The following FHIT variants were observed in gnomAD, a reference collection of about 807,000 sequenced individuals.
FHIT encodes fragile histidine triad diadenosine triphosphatase.
A neutral mutation model predicts 17.9 loss-of-function variants in FHIT; 19 were observed. The observed-to-expected ratio is 1.06, with a 90% CI of 0.74 to 1.56. The LOEUF is 1.56. FHIT is among the 40% of genes most tolerant of loss of function. FHIT has a pLI of 0.00. For missense variants in FHIT, 248 were observed against 189.2 expected (o/e 1.31, Z -1.82); for synonymous variants, 81 against 69.7 (o/e 1.16, Z -0.81).
intron 4 of FHIT, among the ~76,000 whole-genome samples, chr3:60,717,726 T>C (rs782008310): frequency 1.4e-4 from 21 of 152,282 alleles, no homozygotes; most frequent in South Asian, 2.1e-4. Context: ...TGTCTTGGGG[T>C]TGAAAACACA....
chr3:60,782,322 T>C (rs186570944), intron 4 of FHIT, among the ~76,000 whole-genome samples: 1 of 151,972 alleles, frequency 6.6e-6, no homozygotes, highest in Non-Finnish European at 1.5e-5. Flanking sequence ...GAAAGACAAG[T>C]CTTGGCAAGG....
intron 8 of FHIT, among the ~76,000 whole-genome samples, chr3:59,852,946 C>T (rs1363208916): frequency 6.6e-6 from 1 of 152,126 alleles, no homozygotes; most frequent in African/African-American, 2.4e-5. Context: ...TTCTTGGTGG[C>T]TTCCATGTTT....
intron 8 of FHIT, among the ~76,000 whole-genome samples, chr3:59,885,757 A>C (rs997680712): frequency 3.9e-5 from 6 of 152,200 alleles, no homozygotes; most frequent in African/African-American, 1.4e-4. Flanking sequence ...TATAAAGGAC[A>C]TGAGCGCTGC....
intron 8 of FHIT, among the ~76,000 whole-genome samples, chr3:59,842,242 CCT>C (rs1701560816): frequency 6.6e-6 from 1 of 152,120 alleles, no homozygotes; most frequent in Admixed American, 6.6e-5. Flanking sequence ...CAGGATTTCC[CCT>C]TTTTCAAGGT....
chr3:60,492,328 A>C (rs1271776079), intron 5 of FHIT, among the ~76,000 whole-genome samples: 4 of 152,190 alleles, frequency 2.6e-5, no homozygotes, highest in African/African-American at 9.7e-5. Context: ...ATTGTTTCTC[A>C]CATTTGAGCA....
chr3:60,284,298 T>G (rs1707612124), intron 5 of FHIT, among the ~76,000 whole-genome samples: 1 of 152,168 alleles, frequency 6.6e-6, no homozygotes, highest in Admixed American at 6.5e-5. Flanking sequence ...TAAAGACAAA[T>G]GAGGTGTAGA....
At chr3:60,089,057 G>A (rs761226630) in intron 5 of FHIT, among the ~76,000 whole-genome samples, 6 of 152,188 alleles carry the variant, frequency 3.9e-5, no homozygotes, top group South Asian at 2.1e-4. Context: ...CTAATGGCAA[G>A]GGCAGAAATC....
intron 5 of FHIT, among the ~76,000 whole-genome samples, chr3:60,082,055 T>A (rs1169503192): frequency 1.3e-5 from 2 of 152,100 alleles, no homozygotes; most frequent in African/African-American, 2.4e-5. Context: ...GTTTGGGGTA[T>A]GATTAATACC....
chr3:60,709,183 T>C (rs1577096230), intron 4 of FHIT, among the ~76,000 whole-genome samples: 1 of 152,216 alleles, frequency 6.6e-6, no homozygotes, highest in East Asian at 1.9e-4. Context: ...ACTATGAATT[T>C]ATTTTAAAAT....
intron 8 of FHIT, among the ~76,000 whole-genome samples, chr3:59,818,671 G>C (rs181859207): frequency 1.3e-3 from 197 of 152,292 alleles, no homozygotes; most frequent in Non-Finnish European, 2.2e-3. Context: ...CACCGCAGAT[G>C]TAACTGGGAT....
At chr3:60,835,129 T>C (rs1032468301) in intron 3 of FHIT, among the ~76,000 whole-genome samples, 4 of 152,172 alleles carry the variant, frequency 2.6e-5, no homozygotes, top group Non-Finnish European at 4.4e-5. Flanking sequence ...ACATAGTAAC[T>C]ATGCAATACT....
At chr3:60,917,858 A>C (rs561450886) in intron 3 of FHIT, among the ~76,000 whole-genome samples, 61 of 152,334 alleles carry the variant, frequency 4.0e-4, no homozygotes, top group Middle Eastern at 3.4e-3. Context: ...TGTAACTTCA[A>C]TGAAGATGAG....
intron 5 of FHIT, among the ~76,000 whole-genome samples, chr3:60,334,277 T>A (rs1357111764): frequency 1.3e-5 from 2 of 152,230 alleles, no homozygotes; most frequent in Non-Finnish European, 2.9e-5. Context: ...TCCATCTGCC[T>A]GACCAACAGT....
intron 8 of FHIT, among the ~76,000 whole-genome samples, chr3:59,878,626 T>C (rs1450324093): frequency 6.6e-6 from 1 of 152,114 alleles, no homozygotes; most frequent in Non-Finnish European, 1.5e-5. Context: ...AGTTTAAACA[T>C]TTCACAGCAT....
intron 3 of FHIT, among the ~76,000 whole-genome samples, chr3:60,911,371 GCACACACA>G (rs35183064): frequency 6.7e-6 from 1 of 148,952 alleles, no homozygotes; most frequent in Non-Finnish European, 1.5e-5. Flanking sequence ...TTCTTTGCAT[GCACACACA>G]CACACACACA....
intron 4 of FHIT, among the ~76,000 whole-genome samples, chr3:60,767,104 A>G (rs1451636381): frequency 2.0e-5 from 3 of 152,208 alleles, no homozygotes; most frequent in Non-Finnish European, 4.4e-5. Flanking sequence ...TGAGCCTACA[A>G]ATGTTAACAG....
chr3:60,209,870 G>C (rs1908771), intron 5 of FHIT, among the ~76,000 whole-genome samples: 26,047 of 151,882 alleles, frequency 0.17, 2,318 homozygotes, highest in East Asian at 0.25. Context: ...CACTCATAAG[G>C]GGGAGTTGAA....
At chr3:60,427,223 G>T (rs532571151) in intron 5 of FHIT, among the ~76,000 whole-genome samples, 118 of 152,222 alleles carry the variant, frequency 7.8e-4, no homozygotes, top group Non-Finnish European at 1.4e-3. Flanking sequence ...ATGTGGCGGA[G>T]ACCTGAGAGC....
chr3:60,029,832 A>C lies in FHIT; in HGVS notation c.104-15680T>G, dbSNP rs558671741. 5.9e-4 allele frequency among the ~76,000 whole-genome samples: 90 copies of C among 151,308 alleles called. No homozygotes were observed. The South Asian group carries it at 0.011, about 18-fold the overall frequency. On this transcript the variant is annotated intron_variant, in intron 5 of 9. Transcript: ENST00000492590. ...AGGATCAATAACATTGTAGCACCAG[A>C]AAGAGGTTGGACAGGCAGTTGTTGG...
Sources: gnomAD v4.1 joint callset for allele counts (sites outside exome capture counted in the v4.1 genomes callset) on GRCh38, gnomAD v4.1.1 for gene constraint, MANE v1.5 for transcripts, NCBI Gene and HGNC (gene_info 2026-07-23, HGNC 2026-07-21) for gene names.